Variants in ZNF273 observed in about 807,000 individuals in gnomAD.
ZNF273 encodes the protein zinc finger protein 9.
A neutral mutation model predicts 14.9 loss-of-function variants in ZNF273; 11 were observed. The ratio of observed to expected loss-of-function variants is 0.74; its 90% CI spans 0.46 to 1.22. The LOEUF is 1.22. Ranked by LOEUF, ZNF273 falls within the 50% of genes most tolerant of loss-of-function variation. The pLI, the probability that ZNF273 is intolerant of heterozygous loss-of-function variation, is 0.00. For missense variants in ZNF273, 577 were observed against 660.6 expected, an observed-to-expected ratio of 0.87 and a Z score of 1.39; for synonymous variants, 199 against 223.9, an observed-to-expected ratio of 0.89 and a Z score of 0.99.
At chr7:64,884,843 C>T (rs956001934) in intron 1 of ZNF273, among the ~76,000 whole-genome samples, 11 of 152,216 alleles carry the variant, frequency 7.2e-5, no homozygotes, top group Admixed American at 2.0e-4. Context: ...TGAGACGGCC[C>T]GAGGATGCCC....
chr7:64,888,219 T>A, intron 1 of ZNF273: 1 of 876,012 alleles, frequency 1.1e-6, no homozygotes, highest in Non-Finnish European at 1.4e-6. Flanking sequence ...CTGCTGCTGC[T>A]GCTGCCCCAC....
At chr7:64,904,547 C>T (rs780681196) in intron 1 of ZNF273, among the ~76,000 whole-genome samples, 49 of 152,292 alleles carry the variant, frequency 3.2e-4, no homozygotes, top group Non-Finnish European at 5.9e-4. Context: ...CTACTCCCCA[C>T]CCCCAATTCC....
At chr7:64,898,948 A>T (rs1258786706), upstream of ZNF273, among the ~76,000 whole-genome samples, 1 of 150,190 alleles carries the variant, frequency 6.7e-6, no homozygotes, top group African/African-American at 2.5e-5. Flanking sequence ...TTGCTGAAAA[A>T]TAAATCTTTT....
At chr7:64,922,004 CAT>C (rs1177366293) in intron 3 of ZNF273, among the ~76,000 whole-genome samples, 3 of 152,078 alleles carry the variant, frequency 2.0e-5, no homozygotes, top group African/African-American at 7.2e-5. Context: ...TTTCACGGAA[CAT>C]AGATATTTTC....
intron 2 of ZNF273, 81 bp downstream of exon 2, chr7:64,917,788 T>C: frequency 1.4e-6 from 2 of 1,428,758 alleles, no homozygotes; most frequent in East Asian, 2.6e-5. Context: ...CTGCTTTGCA[T>C]AAATAAATTT....
chr7:64,933,729 T>G (rs1795036591), downstream of ZNF273: 1 of 152,204 alleles, frequency 6.6e-6, no homozygotes, highest in African/African-American at 2.4e-5. Context: ...CATTATTATC[T>G]TTCTATAATG....
chr7:64,898,551 A>G (rs1562953486), upstream of ZNF273, among the ~76,000 whole-genome samples: 1 of 152,254 alleles, frequency 6.6e-6, no homozygotes, highest in South Asian at 2.1e-4. Context: ...GGAATATATT[A>G]TAATTTTTCA....
At chr7:64,931,212 G>A (rs1027420819), downstream of ZNF273, among the ~76,000 whole-genome samples, 2 of 152,020 alleles carry the variant, frequency 1.3e-5, no homozygotes, top group African/African-American at 2.4e-5. Flanking sequence ...TTTTAATAAG[G>A]TGACTAATTT....
chr7:64,889,113 C>T, downstream of ZNF273: 1 of 985,970 alleles, frequency 1.0e-6, no homozygotes, highest in Non-Finnish European at 1.2e-6. This position sits in a 1 kb window ranked among gnomAD's most constrained non-coding sequence, Gnocchi z 4.2. Context: ...CTCCGGGAGC[C>T]AAGCAGGGAT....
chr7:64,928,251 A>G lies in ZNF273; in HGVS notation c.923A>G (p.His308Arg), dbSNP rs145707007. ...VFSVFSVLTKHKIIHTGTKPY... is the reference protein window; with the variant it reads ...VFSVFSVLTKRKIIHTGTKPY... Reference sequence around the variant, plus strand: ...AGTGTATTTTCAGTCCTTACTAAACATAAGATAATTCATACAGGAACAAAA... The same window carrying G: ...AGTGTATTTTCAGTCCTTACTAAACGTAAGATAATTCATACAGGAACAAAA... The change falls in exon 4 of 4, where the codon CAT becomes CGT. Residue 308 changes from histidine to arginine, a missense_variant. Around this residue, in one of 3 missense-constraint regions of ZNF273, gnomAD observed 411 missense variants for 440.4 expected, o/e 0.93. Coordinates refer to ENST00000476120, the MANE Select transcript of ZNF273 (RefSeq NM_021148.3). 425 of 1,613,026 alleles carry G rather than the reference A, an allele frequency of 2.6e-4. 2 individuals are homozygous for G. In the African/African-American group the frequency reaches 4.8e-3, roughly 18 times the overall value.
chr7:64,889,338 G>T, downstream of ZNF273: 1 of 957,530 alleles, frequency 1.0e-6, no homozygotes, highest in Non-Finnish European at 1.2e-6. The surrounding 1 kb of genome is among the most constrained non-coding windows in gnomAD (Gnocchi z 4.2). Context: ...CGTCCCCTCC[G>T]CCCCAACAGC....
downstream of ZNF273, among the ~76,000 whole-genome samples, chr7:64,883,222 C>CCCA (rs1562946623): frequency 1.5e-5 from 2 of 136,736 alleles, no homozygotes; most frequent in Non-Finnish European, 3.3e-5. Context: ...CCACCCCCCC[C>CCCA]TCACCAAGCA....
chr7:64,886,495 C>T (rs115218455), intron 1 of ZNF273, among the ~76,000 whole-genome samples: 1,738 of 152,304 alleles, frequency 0.011, 30 homozygotes, highest in African/African-American at 0.039. Flanking sequence ...CTGACCATCG[C>T]TACATGTTTA....
At chr7:64,927,297 T>C (rs776416979) in intron 3 of ZNF273, among the ~76,000 whole-genome samples, 2 of 151,762 alleles carry the variant, frequency 1.3e-5, no homozygotes, top group Non-Finnish European at 2.9e-5. Context: ...ACCATGTTGG[T>C]CAGGCTGGTC....
At chr7:64,903,500 G>C in intron 1 of ZNF273, 81 bp downstream of exon 1, 1 of 1,374,124 alleles carries the variant, frequency 7.3e-7, no homozygotes, top group Non-Finnish European at 1.0e-6. Context: ...GCGAGACTCC[G>C]GCCTCCCTGC....
At chr7:64,893,071 T>A (rs138342832), downstream of ZNF273, among the ~76,000 whole-genome samples, 13 of 151,734 alleles carry the variant, frequency 8.6e-5, 1 homozygote, top group African/African-American at 3.1e-4. Context: ...TGCTTATCTA[T>A]GTTTGCAGCT....
upstream of ZNF273, among the ~76,000 whole-genome samples, chr7:64,900,088 G>C (rs1792600292): frequency 6.6e-6 from 1 of 151,660 alleles, no homozygotes; most frequent in East Asian, 1.9e-4. Context: ...CAAATGATTA[G>C]GTATGCTTTA....
chr7:64,928,638 A>T lies in ZNF273; in HGVS notation c.1310A>T (p.Lys437Ile). 6.2e-7 allele frequency: 1 copy of T among 1,613,426 alleles called. No homozygotes were observed. The highest frequency in any genetic ancestry group is 8.5e-7 in the Non-Finnish European group (1 of 1,179,732). Residue 437 changes from lysine to isoleucine, a missense_variant, in exon 4 of 4, where the codon AAA becomes ATA. Coordinates refer to ENST00000476120, the MANE Select transcript of ZNF273 (RefSeq NM_021148.3). ...CCATACAAATGTGAAGAATGTGGAA[A>T]AGCCTTTAGTGTATTCTCAACCCTT... ...EKPYKCEECG[K>I]AFSVFSTLTK...
At chr7:64,919,947 C>CA (rs1427986748) in intron 3 of ZNF273, among the ~76,000 whole-genome samples, 1 of 151,472 alleles carries the variant, frequency 6.6e-6, no homozygotes, top group Non-Finnish European at 1.5e-5. Flanking sequence ...TACATACTTC[C>CA]AGTGCTATGT....
Sources: gnomAD v4.1 joint callset for allele counts (sites outside exome capture counted in the v4.1 genomes callset) on GRCh38, gnomAD v4.1.1 for gene constraint, gnomAD v4.1.1 regional missense constraint, Gnocchi (gnomAD v3.1) non-coding constraint, MANE v1.5 for transcripts, NCBI Gene and HGNC (gene_info 2026-07-23, HGNC 2026-07-21) for gene names.